The following SRD5A2 variants were observed in gnomAD, a reference collection of about 807,000 sequenced individuals.
SRD5A2 encodes steroid 5 alpha-reductase 2.
Under a neutral mutation model 27.4 loss-of-function variants are expected in SRD5A2, and 30 were observed. The observed-to-expected ratio is 1.10, with a 90% confidence interval of 0.82 to 1.49. SRD5A2 has a LOEUF of 1.49. Among genes scored for constraint, SRD5A2 ranks in the 40% most tolerant of loss-of-function variants. The pLI is 0.00. For missense variants in SRD5A2, 348 were observed against 323.4 expected, an observed-to-expected ratio of 1.08 and a Z score of -0.58; for synonymous variants, 141 against 133.6, an observed-to-expected ratio of 1.06 and a Z score of -0.38.
At chr2:31,546,798 T>TA (rs751311343) in intron 1 of SRD5A2, among the ~76,000 whole-genome samples, 91 of 151,814 alleles carry the variant, frequency 6.0e-4, no homozygotes, top group Non-Finnish European at 1.1e-3. Context: ...ATTTTAAAGT[T>TA]AAAAAAAATA....
chr2:31,558,992 T>A (rs1666559398), intron 1 of SRD5A2, among the ~76,000 whole-genome samples: 1 of 152,152 alleles, frequency 6.6e-6, no homozygotes, highest in South Asian at 2.1e-4. Context: ...AGAGAAAACA[T>A]GAATTTAGGA....
At chr2:31,552,008 T>G (rs1175591475) in intron 1 of SRD5A2, among the ~76,000 whole-genome samples, 1 of 151,794 alleles carries the variant, frequency 6.6e-6, no homozygotes, top group African/African-American at 2.4e-5. Context: ...GTCTCAGACT[T>G]GACACCAAAA....
intron 1 of SRD5A2, among the ~76,000 whole-genome samples, chr2:31,544,946 C>G (rs1435826967): frequency 9.9e-5 from 15 of 151,496 alleles, no homozygotes; most frequent in Non-Finnish European, 1.5e-5. Flanking sequence ...ATTGGATAAC[C>G]TACATGAAAA....
At chr2:31,646,445 C>T in the SRD5A2 span, among the ~76,000 whole-genome samples, 1,488 of 152,228 alleles carry the variant, frequency 9.8e-3, 14 homozygotes, top group Non-Finnish European at 0.015. Flanking sequence ...CACTGCATTC[C>T]TATTTCAGGA....
chr2:31,600,775 C>G, the SRD5A2 span, among the ~76,000 whole-genome samples: 1 of 151,854 alleles, frequency 6.6e-6, no homozygotes, highest in Non-Finnish European at 1.5e-5. Flanking sequence ...ATCTACAAGC[C>G]AATATCTCTA....
intron 1 of SRD5A2, among the ~76,000 whole-genome samples, chr2:31,538,889 A>G (rs1016960837): frequency 1.3e-5 from 2 of 152,286 alleles, no homozygotes; most frequent in Non-Finnish European, 1.5e-5. Context: ...AATGTTATCT[A>G]TTTTGTTCAT....
At chr2:31,584,715 G>A (rs755079512), upstream of SRD5A2, among the ~76,000 whole-genome samples, 7 of 151,056 alleles carry the variant, frequency 4.6e-5, 1 homozygote, top group Non-Finnish European at 1.0e-4. Context: ...GCCAAAAGAA[G>A]AGATGTATAG....
chr2:31,590,179 T>C, the SRD5A2 span, among the ~76,000 whole-genome samples: 1 of 114,716 alleles, frequency 8.7e-6, no homozygotes, highest in Admixed American at 9.8e-5. Context: ...GCTCAATGGT[T>C]TTTCTCTACC....
chr2:31,546,748 T>C (rs780889493), intron 1 of SRD5A2, among the ~76,000 whole-genome samples: 1 of 152,168 alleles, frequency 6.6e-6, no homozygotes, highest in African/African-American at 2.4e-5. Flanking sequence ...ACGTGCAACT[T>C]ACCCATGTAA....
intron 1 of SRD5A2, among the ~76,000 whole-genome samples, chr2:31,567,409 G>A (rs1204504779): frequency 6.6e-6 from 1 of 150,472 alleles, no homozygotes; most frequent in East Asian, 1.9e-4. Context: ...TCAGTCAACT[G>A]AACCTATTTA....
the SRD5A2 span, among the ~76,000 whole-genome samples, chr2:31,642,534 A>C: frequency 6.6e-6 from 1 of 152,072 alleles, no homozygotes; most frequent in East Asian, 1.9e-4. Context: ...AAACCACTAC[A>C]TAATGCCATT....
At chr2:31,528,970 G>T (rs1287085971) in intron 4 of SRD5A2, among the ~76,000 whole-genome samples, 1 of 152,090 alleles carries the variant, frequency 6.6e-6, no homozygotes, top group African/African-American at 2.4e-5. Flanking sequence ...ACAGAGCCTG[G>T]GTCAGCTAAC....
intron 1 of SRD5A2, among the ~76,000 whole-genome samples, chr2:31,536,048 C>T (rs28383033): frequency 0.015 from 2,260 of 152,214 alleles, 27 homozygotes; most frequent in South Asian, 0.028. Flanking sequence ...TGGATTCCTA[C>T]AGAAATTAAA....
chr2:31,620,724 T>C, the SRD5A2 span, among the ~76,000 whole-genome samples: 2 of 151,558 alleles, frequency 1.3e-5, no homozygotes, highest in Non-Finnish European at 2.9e-5. Flanking sequence ...AAAAGGTCTC[T>C]GTAGAGAACT....
At chr2:31,533,803 T>C (rs369980657) in intron 1 of SRD5A2, 37 bp from the exon 2 acceptor site, 1 of 1,577,888 alleles carries the variant, frequency 6.3e-7, no homozygotes. Context: ...GGATTCACTG[T>C]TAAAAAAGAA....
rs28383073 is a variant in SRD5A2 at position 31,528,359 on chromosome 2, C to T, written c.698+948G>A. 5.3e-5 allele frequency among the ~76,000 whole-genome samples: 8 copies of T among 152,336 alleles called. No individual in the cohort carries two copies. In the East Asian group the frequency reaches 1.5e-3, roughly 29 times the overall value. ...AGGGGAAATAATCCTTCTGGAGTTCCAGGGCTCTGTGATTACCTGAACTGT... is the reference window on the plus strand; with the variant it reads ...AGGGGAAATAATCCTTCTGGAGTTCTAGGGCTCTGTGATTACCTGAACTGT... On this transcript the variant is annotated intron_variant, in intron 4 of 4. Coordinates refer to ENST00000622030, the MANE Select transcript of SRD5A2 (RefSeq NM_000348.4).
upstream of SRD5A2, among the ~76,000 whole-genome samples, chr2:31,583,638 AGCAAAAAAAAAACCAAAAAAAAAGC>A (rs1558379447): frequency 1.8e-4 from 4 of 22,382 alleles, no homozygotes; most frequent in Admixed American, 4.7e-4. Flanking sequence ...ACAAAAAAAA[AGCAAAAAAAAAACCAAAAAAAAAGC>A]AAAAAAAAAA....
chr2:31,655,607 T>C, the SRD5A2 span, among the ~76,000 whole-genome samples: 1 of 152,088 alleles, frequency 6.6e-6, no homozygotes, highest in African/African-American at 2.4e-5. Flanking sequence ...AGACCACTCA[T>C]GAGCACTGCC....
the SRD5A2 span, among the ~76,000 whole-genome samples, chr2:31,639,595 A>G: frequency 6.6e-6 from 1 of 151,926 alleles, no homozygotes; most frequent in Non-Finnish European, 1.5e-5. Flanking sequence ...TCATATCTGA[A>G]TTATAATTTT....
Sources: gnomAD v4.1 joint callset for allele counts (sites outside exome capture counted in the v4.1 genomes callset) on GRCh38, gnomAD v4.1.1 for gene constraint, MANE v1.5 for transcripts, NCBI Gene and HGNC (gene_info 2026-07-23, HGNC 2026-07-21) for gene names.